Variants in NID2 observed in about 807,000 individuals in gnomAD.
NID2 encodes the protein nidogen-2.
In NID2, 83 loss-of-function variants were observed where a neutral mutation model predicts 145.4. That is an observed-to-expected ratio of 0.57 (90% CI 0.48 to 0.69). NID2 has a LOEUF of 0.69. Among genes scored for constraint, NID2 ranks in the 30% least tolerant of loss-of-function variants. NID2 has a pLI of 0.00. For synonymous variants in NID2, 739 were observed against 701.3 expected, an observed-to-expected ratio of 1.05 and a Z score of -0.85; for missense variants, 1,807 against 1,765.7, an observed-to-expected ratio of 1.02 and a Z score of -0.42.
chr14:52,044,352 C>T (rs1892402070), intron 5 of NID2, among the ~76,000 whole-genome samples: 1 of 142,988 alleles, frequency 7.0e-6, no homozygotes, highest in South Asian at 2.2e-4. Context: ...TCACTGCAAG[C>T]TCCACCTCCC....
intron 15 of NID2, 98 bp from the exon 16 acceptor site, chr14:52,014,554 AT>A: frequency 7.9e-7 from 1 of 1,268,612 alleles, no homozygotes; most frequent in Non-Finnish European, 1.1e-6. Context: ...CTCCAAAAAT[AT>A]CAAAAGTTCT....
intron 9 of NID2, among the ~76,000 whole-genome samples, chr14:52,034,718 C>T (rs911372602): frequency 5.3e-5 from 8 of 152,318 alleles, no homozygotes; most frequent in South Asian, 4.1e-4. Flanking sequence ...AGCACAGAAC[C>T]GCGTATCACT....
At position 52,042,116 on chromosome 14, in the gene NID2, AAGCCGTTCTCAG is replaced by A; in HGVS notation, c.1802_1813del (p.Ser601_Gly604del). 6.3e-7 allele frequency: 1 copy of A among 1,598,342 alleles called. No individual in the cohort carries two copies. Among genetic ancestry groups the A allele is most frequent in the Non-Finnish European group, 8.5e-7 (1 of 1,170,662 alleles). On this transcript the variant is annotated inframe_deletion, in exon 7 of 22. Coordinates refer to ENST00000216286, the MANE Select transcript of NID2 (RefSeq NM_007361.4). Reference sequence around the variant, plus strand: ...GAGGCCCTACTCACCTGCGAGGCTGAAGCCGTTCTCAGAGCCAGGTTTTTCTAAAGCAAAGAG... The same window carrying A: ...GAGGCCCTACTCACCTGCGAGGCTGAAGCCAGGTTTTTCTAAAGCAAAGAG...
intron 3 of NID2, among the ~76,000 whole-genome samples, chr14:52,056,719 G>A (rs965442554): frequency 2.0e-5 from 3 of 152,148 alleles, no homozygotes; most frequent in Non-Finnish European, 4.4e-5. Flanking sequence ...TTGAACCCAG[G>A]AGGCAGAGGT....
At chr14:52,042,541 TA>T (rs3841694) in intron 6 of NID2, among the ~76,000 whole-genome samples, 191 bp from the exon 7 acceptor site, 123,056 of 152,176 alleles carry the variant, frequency 0.81, 49,949 homozygotes, top group South Asian at 0.89. Flanking sequence ...CTCCTCCTTC[TA>T]CTCCACTACA....
chr14:52,063,291 C>G (rs1162482181), intron 2 of NID2, among the ~76,000 whole-genome samples: 1 of 152,344 alleles, frequency 6.6e-6, no homozygotes, highest in Non-Finnish European at 1.5e-5. Context: ...TGGTTCCCAG[C>G]TCCCCCAGGA....
At chr14:52,040,924 G>A (rs925961530) in intron 7 of NID2, 73 bp from the exon 8 acceptor site, 44 of 1,310,676 alleles carry the variant, frequency 3.4e-5, no homozygotes, top group Admixed American at 1.2e-4. Flanking sequence ...TATACTGCCC[G>A]CTCCCAATTT....
At chr14:52,017,571 T>C (rs1891257775) in intron 14 of NID2, among the ~76,000 whole-genome samples, 1 of 151,656 alleles carries the variant, frequency 6.6e-6, no homozygotes. Context: ...CCTTAACACA[T>C]GCCTGTCTTA....
At chr14:52,060,829 G>A (rs559365469) in intron 2 of NID2, among the ~76,000 whole-genome samples, 1 of 152,270 alleles carries the variant, frequency 6.6e-6, no homozygotes, top group South Asian at 2.1e-4. Flanking sequence ...CTATGGGCAG[G>A]CACTGTGTTA....
chr14:52,040,983 G>C (rs1324657267), intron 7 of NID2, 132 bp from the exon 8 acceptor site: 10 of 751,574 alleles, frequency 1.3e-5, no homozygotes, highest in Non-Finnish European at 2.3e-5. Flanking sequence ...ATATCTGAGA[G>C]TAAGCACTAT....
At chr14:52,048,884 C>CT (rs1047931871) in intron 5 of NID2, among the ~76,000 whole-genome samples, 16 of 152,154 alleles carry the variant, frequency 1.1e-4, no homozygotes, top group Non-Finnish European at 2.2e-4. Context: ...AGAGGAGGCG[C>CT]TTGGAAATCA....
chr14:52,054,338 C>G lies in NID2; in HGVS notation c.768-17G>C, dbSNP rs760805500. ...TTGCTTAGTCTAAATAAAAAGGAAA[C>G]AGTCATTGTAACAAATGTAACAAAA... On this transcript the variant is annotated splice_polypyrimidine_tract_variant and intron_variant, in intron 3 of 21. Coordinates refer to ENST00000216286, the MANE Select transcript of NID2 (RefSeq NM_007361.4). 3 of 1,597,568 alleles carry G rather than the reference C, an allele frequency of 1.9e-6. No homozygotes were observed. The highest frequency in any genetic ancestry group is 1.1e-5 in the South Asian group (1 of 89,462).
At chr14:52,055,610 A>G (rs913795627) in intron 3 of NID2, among the ~76,000 whole-genome samples, 11 of 152,304 alleles carry the variant, frequency 7.2e-5, no homozygotes, top group African/African-American at 2.6e-4. Context: ...TCAATGGTAT[A>G]CCCTAAAGAG....
At position 52,015,799 on chromosome 14, in the gene NID2, T is replaced by A. The variant is rs574997195; in HGVS notation, c.3029-524A>T. Reference sequence around the variant, plus strand: ...CCATCTTGCGACTGGCCAGTGTGTGTCTTAGAAAGTATTACTGAAAGCCCA... The same window carrying A: ...CCATCTTGCGACTGGCCAGTGTGTGACTTAGAAAGTATTACTGAAAGCCCA... On this transcript the variant is annotated intron_variant, in intron 14 of 21. Transcript: ENST00000216286. Among the ~76,000 whole-genome samples the A allele has an allele frequency of 8.5e-5, 13 of 152,310 alleles. No individual in the cohort carries two copies. The South Asian group carries it at 2.7e-3, about 32-fold the overall frequency.
chr14:52,048,053 G>C (rs1303550189), intron 5 of NID2, among the ~76,000 whole-genome samples: 1 of 152,192 alleles, frequency 6.6e-6, no homozygotes, highest in Non-Finnish European at 1.5e-5. Context: ...TAGAAGGCTT[G>C]GGATACAACA....
intron 5 of NID2, among the ~76,000 whole-genome samples, chr14:52,050,365 G>A (rs1424060454): frequency 6.6e-6 from 1 of 152,026 alleles, no homozygotes; most frequent in Non-Finnish European, 1.5e-5. Flanking sequence ...TGTTCATAAT[G>A]TTTTCACACA....
chr14:52,044,364 G>A (rs557952333), intron 5 of NID2, among the ~76,000 whole-genome samples: 89 of 139,790 alleles, frequency 6.4e-4, no homozygotes, highest in Admixed American at 1.3e-3. Flanking sequence ...CCACCTCCCA[G>A]GTTCACGCCA....
Position 52,042,370 on chromosome 14 carries a change from G to C in NID2, c.1580-20C>G. 6.3e-7 allele frequency: 1 copy of C among 1,596,204 alleles called. No individual in the cohort carries two copies. The highest frequency in any genetic ancestry group is 8.6e-7 in the Non-Finnish European group (1 of 1,167,486). The stretch of plus-strand genomic sequence containing the variant: ...GTGCCCCTAAAAGACAGCAAATCCA[G>C]TTAGGCTTGGACGTCATCCTGGCTA... On this transcript the variant is annotated intron_variant, in intron 6 of 21. Transcript: ENST00000216286.
At chr14:52,046,618 C>T (rs1350581324) in intron 5 of NID2, among the ~76,000 whole-genome samples, 1 of 152,100 alleles carries the variant, frequency 6.6e-6, no homozygotes, top group Non-Finnish European at 1.5e-5. Context: ...CTTACAAGTG[C>T]AACTGTGCAA....
Sources: gnomAD v4.1 joint callset for allele counts (sites outside exome capture counted in the v4.1 genomes callset) on GRCh38, gnomAD v4.1.1 for gene constraint, MANE v1.5 for transcripts, NCBI Gene and HGNC (gene_info 2026-07-23, HGNC 2026-07-21) for gene names.